CD180: variants seen among roughly 807,000 people sequenced by gnomAD.
The protein encoded by CD180 is CD180 molecule.
CD180 carries 11 observed loss-of-function variants against 10.7 expected under a neutral mutation model. The observed-to-expected ratio is 1.03, with a 90% confidence interval of 0.65 to 1.70. CD180 has a LOEUF of 1.70. Among genes scored for constraint, CD180 ranks in the 40% most tolerant of loss-of-function variants. CD180 has a pLI of 0.00. For synonymous variants in CD180, 286 were observed against 294.6 expected, an observed-to-expected ratio of 0.97 and a Z score of 0.30; for missense variants, 729 against 775.2, an observed-to-expected ratio of 0.94 and a Z score of 0.71.
chr5:67,186,179 T>G, intron 1 of CD180, 162 bp from the exon 2 acceptor site: 1 of 451,524 alleles, frequency 2.2e-6, no homozygotes, highest in Non-Finnish European at 3.8e-6. Flanking sequence ...CATTGTTAAC[T>G]GTAGTACTTT....
At chr5:67,191,875 T>G (rs1742311934) in intron 1 of CD180, among the ~76,000 whole-genome samples, 1 of 152,170 alleles carries the variant, frequency 6.6e-6, no homozygotes, top group African/African-American at 2.4e-5. Flanking sequence ...ACAAAAAGTT[T>G]TATTTAAAAA....
At position 67,186,064 on chromosome 5, in the gene CD180, T is replaced by C. The variant is rs374086363; in HGVS notation, c.91-47A>G. The C allele has an allele frequency of 7.5e-6, 9 of 1,202,752 alleles. No individual in the cohort carries two copies. The African/African-American group carries it at 1.2e-4, about 17-fold the overall frequency. 74.5% of individuals were successfully genotyped at this position (1,202,752 alleles called of 1,614,324 possible). On this transcript the variant is annotated intron_variant, in intron 1 of 2. Transcript: ENST00000256447. ...ATTAATATTAGACTTAATAATTTTA[T>C]AGACTATCTAGCAAAATTATATATG...
In CD180 at chr5:67,180,090, G is replaced by A. The variant is rs1035121232; in HGVS notation, c.*2767C>T. 1 of 152,248 alleles carries A rather than the reference G, an allele frequency of 6.6e-6. No individual in the cohort carries two copies. Among genetic ancestry groups the A allele is most frequent in the Non-Finnish European group, 1.5e-5 (1 of 68,062 alleles). The allele number at this position is 152,248 out of a possible 1,614,324, so 9.4% of individuals were successfully genotyped here. ...TCTGACTTTGTGGGGTGAATTTACT[G>A]TTGCTTAAAACAGAGGAGCTGTCAC... On this transcript the variant is annotated 3_prime_UTR_variant, in exon 3 of 3. Coordinates refer to ENST00000256447, the MANE Select transcript of CD180 (RefSeq NM_005582.3).
At chr5:67,194,782 C>T (rs1405062456) in intron 1 of CD180, among the ~76,000 whole-genome samples, 2 of 152,300 alleles carry the variant, frequency 1.3e-5, no homozygotes, top group Middle Eastern at 3.4e-3. Context: ...ATAGAAATGT[C>T]TTACTCTTCT....
At chr5:67,185,482 G>A (rs561916188) in intron 2 of CD180, among the ~76,000 whole-genome samples, 19 of 152,236 alleles carry the variant, frequency 1.2e-4, no homozygotes, top group Non-Finnish European at 1.8e-4. Flanking sequence ...AAAGTAGATG[G>A]TGTGCTTTTC....
chr5:67,182,218 C>T lies in CD180; in HGVS notation c.*639G>A, dbSNP rs1391229054. On this transcript the variant is annotated 3_prime_UTR_variant, in exon 3 of 3. Transcript: ENST00000256447. Reference sequence around the variant, plus strand: ...AGCCATTCACACCCTAGGGGCATTACAGAGACCTTACAGACCTAAGGATTA... The same window carrying T: ...AGCCATTCACACCCTAGGGGCATTATAGAGACCTTACAGACCTAAGGATTA... The T allele has an allele frequency of 6.6e-6, 1 of 152,216 alleles. No homozygotes were observed. The highest frequency in any genetic ancestry group is 1.9e-4 in the East Asian group (1 of 5,204). 9.4% of individuals were successfully genotyped at this position (152,216 alleles called of 1,614,324 possible).
Position 67,182,830 on chromosome 5 carries a change from A to C in CD180, c.*27T>G. The C allele has an allele frequency of 6.4e-7, 1 of 1,554,862 alleles. No homozygotes were observed. The highest frequency in any genetic ancestry group is 8.7e-7 in the Non-Finnish European group (1 of 1,151,340). ...TAGAGCAATTTTGCTAAGCACACTT[A>C]TTTGCTTTCTCTGGAAACCTTCAGC... On this transcript the variant is annotated 3_prime_UTR_variant, in exon 3 of 3. Coordinates refer to ENST00000256447, the MANE Select transcript of CD180 (RefSeq NM_005582.3).
intron 1 of CD180, among the ~76,000 whole-genome samples, chr5:67,186,820 T>G (rs553780989): frequency 1.3e-5 from 2 of 151,144 alleles, no homozygotes; most frequent in Non-Finnish European, 2.9e-5. Context: ...AAGTGGGACA[T>G]TCTATGGAAC....
intron 1 of CD180, among the ~76,000 whole-genome samples, chr5:67,192,284 G>A (rs2151168697): frequency 6.6e-6 from 1 of 152,232 alleles, no homozygotes; most frequent in East Asian, 1.9e-4. Context: ...CAGCTACTCG[G>A]GAGGCTGAGG....
In CD180 at chr5:67,183,233, A is replaced by C; in HGVS notation, c.1610T>G (p.Ile537Ser). 1 of 1,614,078 alleles carries C rather than the reference A, an allele frequency of 6.2e-7. No individual in the cohort carries two copies. Among genetic ancestry groups the C allele is most frequent in the East Asian group, 2.2e-5 (1 of 44,880 alleles). ...LSHNSLTCDSIDSLSHLKGIY... is the reference protein window; with the variant it reads ...LSHNSLTCDSSDSLSHLKGIY... ...TCCCTTAAGATGGCTAAGAGAATCA[A>C]TGCTGTCGCATGTCAGGCTGTTGTG... Residue 537 changes from isoleucine to serine, a missense_variant, in exon 3 of 3, where the codon ATT (isoleucine) becomes AGT (serine). By Grantham distance (142) the Ile-to-Ser change is moderately radical (BLOSUM62 -2). Transcript: ENST00000256447.
intron 1 of CD180, among the ~76,000 whole-genome samples, chr5:67,192,180 G>A (rs1362434655): frequency 6.6e-6 from 1 of 152,130 alleles, no homozygotes; most frequent in African/African-American, 2.4e-5. Flanking sequence ...CAGGAGGTCA[G>A]GAGATCGAGA....
chr5:67,189,063 T>G (rs561534192), intron 1 of CD180, among the ~76,000 whole-genome samples: 1 of 152,316 alleles, frequency 6.6e-6, no homozygotes, highest in Non-Finnish European at 1.5e-5. Context: ...AGGTGCTGAT[T>G]AGCTTAGAGG....
chr5:67,183,112 G>A lies in CD180; in HGVS notation c.1731C>T (p.Asn577=). 2 of 1,610,758 alleles carry A rather than the reference G, an allele frequency of 1.2e-6. No homozygotes were observed. The highest frequency in any genetic ancestry group is 1.7e-6 in the Non-Finnish European group (2 of 1,177,794). The change falls in exon 3 of 3, where the codon AAC becomes AAT. Residue 577 remains asparagine, a synonymous_variant. Coordinates refer to ENST00000256447, the MANE Select transcript of CD180 (RefSeq NM_005582.3). ...SQQSTINLSH[N]PLDCTCSNIH... ...TATTCGAGCAAGTGCAGTCCAGGGG[G>A]TTATGACTTAAATTAATGGTGCTCT...
chr5:67,196,216 G>A (rs964978157), intron 1 of CD180, among the ~76,000 whole-genome samples: 5 of 152,198 alleles, frequency 3.3e-5, no homozygotes, highest in Non-Finnish European at 7.3e-5. Flanking sequence ...GAGTGGGGAT[G>A]TTAAACCAAC....
intron 1 of CD180, among the ~76,000 whole-genome samples, chr5:67,186,804 G>A (rs1742202229): frequency 6.6e-6 from 1 of 151,612 alleles, no homozygotes; most frequent in African/African-American, 2.4e-5. Flanking sequence ...GTGATATGGT[G>A]GATTTAAGTG....
At chr5:67,186,058 AT>A in intron 1 of CD180, 41 bp from the exon 2 acceptor site, 1 of 1,306,412 alleles carries the variant, frequency 7.7e-7, no homozygotes, top group Non-Finnish European at 1.0e-6. Context: ...AGACTTAATA[AT>A]TTTATAGACT....
intron 1 of CD180, among the ~76,000 whole-genome samples, chr5:67,188,967 G>A (rs943260702): frequency 5.3e-5 from 8 of 152,150 alleles, no homozygotes; most frequent in African/African-American, 1.4e-4. Context: ...AAAAAACCAC[G>A]TGTTGCCAGA....
rs1290825836 is a variant in CD180, at chr5:67,182,812, AT to A, written c.*44del. On this transcript the variant is annotated 3_prime_UTR_variant, in exon 3 of 3. Transcript: ENST00000256447. ...GATGACAGTTCTTTCACTTAGAGCA[AT>A]TTTGCTAAGCACACTTATTTGCTTT... 1 of 1,508,740 alleles carries A rather than the reference AT, an allele frequency of 6.6e-7. No individual in the cohort carries two copies. The highest frequency in any genetic ancestry group is 2.3e-5 in the East Asian group (1 of 44,170). 93.5% of individuals were successfully genotyped at this position (1,508,740 alleles called of 1,614,324 possible).
At chr5:67,186,046 T>A in intron 1 of CD180, 29 bp from the exon 2 acceptor site, 1 of 1,396,142 alleles carries the variant, frequency 7.2e-7, no homozygotes, top group Non-Finnish European at 9.7e-7. Flanking sequence ...TAAATTAATA[T>A]TAGACTTAAT....
Sources: gnomAD v4.1 joint callset for allele counts (sites outside exome capture counted in the v4.1 genomes callset) on GRCh38, gnomAD v4.1.1 for gene constraint, MANE v1.5 for transcripts, NCBI Gene and HGNC (gene_info 2026-07-23, HGNC 2026-07-21) for gene names.